The following TMEM132C variants were observed in gnomAD, a reference collection of about 807,000 sequenced individuals.
TMEM132C encodes the protein protein phosphatase 1, regulatory subunit 152.
In TMEM132C, 29 loss-of-function variants were observed where a neutral mutation model predicts 61.4. The ratio of observed to expected loss-of-function variants is 0.47; its 90% CI spans 0.35 to 0.64. TMEM132C has a LOEUF of 0.64. Ranked by LOEUF, TMEM132C falls within the 30% of genes least tolerant of loss-of-function variation. TMEM132C has a pLI of 0.00. For missense variants in TMEM132C, 1,408 were observed against 1,476.9 expected, an observed-to-expected ratio of 0.95 and a Z score of 0.76; for synonymous variants, 656 against 633.1, an observed-to-expected ratio of 1.04 and a Z score of -0.54.
intron 1 of TMEM132C, among the ~76,000 whole-genome samples, chr12:128,375,170 G>A (rs1205235435): frequency 1.3e-5 from 2 of 152,104 alleles, no homozygotes; most frequent in Non-Finnish European, 2.9e-5. Context: ...GTCCCCTGTG[G>A]GATGGCTGGT....
intron 2 of TMEM132C, among the ~76,000 whole-genome samples, chr12:128,543,307 C>A (rs1413734788): frequency 6.6e-6 from 1 of 152,164 alleles, no homozygotes; most frequent in Admixed American, 6.5e-5. Flanking sequence ...ATCATTACAG[C>A]AGCTTTATAA....
At chr12:128,348,760 A>G (rs1211451094) in intron 1 of TMEM132C, among the ~76,000 whole-genome samples, 1 of 152,188 alleles carries the variant, frequency 6.6e-6, no homozygotes. Context: ...GTGTTTACTT[A>G]TTTATTTCCT....
At chr12:128,684,850 C>A (rs1456481309) in intron 5 of TMEM132C, among the ~76,000 whole-genome samples, 1 of 152,176 alleles carries the variant, frequency 6.6e-6, no homozygotes, top group African/African-American at 2.4e-5. Context: ...AATGAGAGAA[C>A]TGCTGTAGTA....
intron 2 of TMEM132C, among the ~76,000 whole-genome samples, chr12:128,485,165 A>G (rs562299458): frequency 1.3e-5 from 2 of 152,264 alleles, no homozygotes; most frequent in East Asian, 3.9e-4. Flanking sequence ...GCAATATTGA[A>G]CTAAGGCTCC....
chr12:128,451,744 G>C (rs778735442), intron 2 of TMEM132C, among the ~76,000 whole-genome samples: 87 of 152,072 alleles, frequency 5.7e-4, no homozygotes, highest in Non-Finnish European at 1.5e-4. Context: ...GGGTGAGTTT[G>C]AGGCTTTGTG....
chr12:128,590,908 C>A (rs1875726926), intron 3 of TMEM132C, among the ~76,000 whole-genome samples: 1 of 152,164 alleles, frequency 6.6e-6, no homozygotes, highest in Non-Finnish European at 1.5e-5. Context: ...TCCTGAGGAA[C>A]TGGGACCACA....
intron 2 of TMEM132C, chr12:128,437,836 T>C (rs1346963658): frequency 6.6e-6 from 1 of 152,250 alleles, no homozygotes; most frequent in African/African-American, 2.4e-5. Context: ...CTGTTTCTGA[T>C]ATTTTTCTTT....
chr12:128,270,491 C>A (rs1456896997), intron 1 of TMEM132C, among the ~76,000 whole-genome samples: 2 of 152,172 alleles, frequency 1.3e-5, no homozygotes, highest in Non-Finnish European at 2.9e-5. Flanking sequence ...GAATTAAATA[C>A]AACCAACCAG....
chr12:128,684,395 A>G (rs1954658355), intron 5 of TMEM132C, among the ~76,000 whole-genome samples: 1 of 152,180 alleles, frequency 6.6e-6, no homozygotes, highest in African/African-American at 2.4e-5. Flanking sequence ...TGGATCCTAC[A>G]AGGAAGCATA....
chr12:128,364,831 G>C (rs999699980), intron 1 of TMEM132C, among the ~76,000 whole-genome samples: 1 of 152,170 alleles, frequency 6.6e-6, no homozygotes, highest in Non-Finnish European at 1.5e-5. Context: ...TTGACAAAGA[G>C]CCATGCCCAG....
chr12:128,365,098 C>T (rs1017355140), intron 1 of TMEM132C, among the ~76,000 whole-genome samples: 1 of 152,150 alleles, frequency 6.6e-6, no homozygotes, highest in Non-Finnish European at 1.5e-5. Context: ...AAACAAGCTC[C>T]AGGAGGGTTT....
chr12:128,476,249 T>C (rs1227136732), intron 2 of TMEM132C, among the ~76,000 whole-genome samples: 1 of 140,794 alleles, frequency 7.1e-6, no homozygotes, highest in Non-Finnish European at 1.5e-5. Context: ...GTCCACAAGA[T>C]AGGGATGCAG....
intron 1 of TMEM132C, among the ~76,000 whole-genome samples, chr12:128,355,922 C>T (rs1178768924): frequency 6.6e-6 from 1 of 152,138 alleles, no homozygotes; most frequent in Non-Finnish European, 1.5e-5. Context: ...CCCTTCCTGC[C>T]TTGTCACCAT....
At chr12:128,336,785 G>T (rs1279281033) in intron 1 of TMEM132C, among the ~76,000 whole-genome samples, 3 of 152,170 alleles carry the variant, frequency 2.0e-5, no homozygotes, top group Non-Finnish European at 4.4e-5. Flanking sequence ...ACAGCTTTCA[G>T]AACCCTGCAT....
intron 1 of TMEM132C, among the ~76,000 whole-genome samples, chr12:128,301,775 C>T (rs1014894353): frequency 5.9e-5 from 9 of 152,120 alleles, no homozygotes; most frequent in East Asian, 3.9e-4. Context: ...TCCATTTTCA[C>T]GCTGCTGATA....
At chr12:128,534,840 C>A (rs1436865124) in intron 2 of TMEM132C, among the ~76,000 whole-genome samples, 1 of 152,212 alleles carries the variant, frequency 6.6e-6, no homozygotes, top group East Asian at 1.9e-4. Flanking sequence ...TCTCCCACCC[C>A]ATCCAGAGGT....
At chr12:128,406,329 C>G (rs536088018) in intron 1 of TMEM132C, among the ~76,000 whole-genome samples, 1 of 152,290 alleles carries the variant, frequency 6.6e-6, no homozygotes, top group Admixed American at 6.5e-5. Context: ...TTGAATGAGT[C>G]GTCACTGAGT....
chr12:128,528,189 T>C (rs1873157316), intron 2 of TMEM132C, among the ~76,000 whole-genome samples: 1 of 152,184 alleles, frequency 6.6e-6, no homozygotes, highest in Admixed American at 6.5e-5. Flanking sequence ...GACTTGGTTT[T>C]GTCTTCCGTT....
intron 4 of TMEM132C, among the ~76,000 whole-genome samples, chr12:128,621,938 C>G (rs992722738): frequency 1.3e-5 from 2 of 152,158 alleles, no homozygotes; most frequent in African/African-American, 2.4e-5. Flanking sequence ...GTTAAACCAC[C>G]CTGAGCAGGC....
Sources: allele counts gnomAD v4.1 joint callset (sites outside exome capture counted in the v4.1 genomes callset), GRCh38; gene constraint gnomAD v4.1.1; transcripts MANE v1.5; gene names NCBI Gene and HGNC (gene_info 2026-07-23, HGNC 2026-07-21).